The following VWA3B variants were observed in gnomAD, a reference collection of about 807,000 sequenced individuals.
The protein encoded by VWA3B is von Willebrand factor A domain containing 3B.
In VWA3B, 138 loss-of-function variants were observed where a neutral mutation model predicts 158.3. The observed-to-expected ratio is 0.87, with a 90% CI of 0.76 to 1.00. The LOEUF (loss-of-function observed/expected upper bound fraction) is 1.00. Ranked by LOEUF, VWA3B falls within the 50% of genes least tolerant of loss-of-function variation. The pLI is 0.00. For missense variants in VWA3B, 1,555 were observed against 1,565.1 expected (o/e 0.99, Z 0.11); for synonymous variants, 596 against 587.3 (o/e 1.01, Z -0.21).
intron 21 of VWA3B, among the ~76,000 whole-genome samples, chr2:98,266,980 T>A (rs1574237512): frequency 6.6e-6 from 1 of 151,314 alleles, no homozygotes; most frequent in African/African-American, 2.4e-5. Flanking sequence ...TATACAATCA[T>A]GTCGTCTGCA....
chr2:98,116,606 G>A (rs1458056232), intron 3 of VWA3B, among the ~76,000 whole-genome samples: 1 of 152,034 alleles, frequency 6.6e-6, no homozygotes, highest in Non-Finnish European at 1.5e-5. Context: ...TCCCGGGTCC[G>A]AGCGATCCTC....
rs886660544 is a variant in VWA3B at position 98,312,406 on chromosome 2, C to T, written c.*57C>T. On this transcript the variant is annotated 3_prime_UTR_variant, in exon 28 of 28. Coordinates refer to ENST00000477737, the MANE Select transcript of VWA3B (RefSeq NM_144992.5). ...CAGCGTCCTTCCAGGCTGTTCAGAC[C>T]TCAGCGTTGACACTGAAACTGGCCC... 3 of 1,546,596 alleles carry T rather than the reference C, an allele frequency of 1.9e-6. No individual in the cohort carries two copies. The highest frequency in any genetic ancestry group is 2.6e-6 in the Non-Finnish European group (3 of 1,147,236).
intron 2 of VWA3B, among the ~76,000 whole-genome samples, chr2:98,100,346 G>C (rs534667742): frequency 1.3e-4 from 20 of 152,228 alleles, no homozygotes; most frequent in Non-Finnish European, 2.8e-4. Flanking sequence ...GACTGGCACA[G>C]TGCTGGGTTA....
intron 7 of VWA3B, among the ~76,000 whole-genome samples, chr2:98,152,274 T>C (rs528967530): frequency 1.4e-4 from 21 of 152,328 alleles, no homozygotes; most frequent in African/African-American, 4.3e-4. Flanking sequence ...GTGTAAATGG[T>C]GCAATAATAT....
At chr2:98,306,815 A>G (rs1387117129) in intron 26 of VWA3B, among the ~76,000 whole-genome samples, 1 of 152,186 alleles carries the variant, frequency 6.6e-6, no homozygotes, top group African/African-American at 2.4e-5. Context: ...TGGGCTTCAC[A>G]TGGTGGAAGT....
At chr2:98,250,634 G>A (rs1447065881) in intron 20 of VWA3B, among the ~76,000 whole-genome samples, 198 bp downstream of exon 20, 2 of 151,832 alleles carry the variant, frequency 1.3e-5, no homozygotes, top group African/African-American at 4.8e-5. Context: ...TTGAGGCCAG[G>A]AGTTTAAGAC....
chr2:98,223,772 C>T (rs1287021043), intron 14 of VWA3B, among the ~76,000 whole-genome samples: 1 of 151,974 alleles, frequency 6.6e-6, no homozygotes, highest in East Asian at 1.9e-4. Flanking sequence ...ACTCCATCAC[C>T]CAGGCTGGAG....
intron 2 of VWA3B, among the ~76,000 whole-genome samples, chr2:98,107,571 A>C (rs1673771123): frequency 6.6e-6 from 1 of 152,120 alleles, no homozygotes; most frequent in African/African-American, 2.4e-5. Flanking sequence ...CAGATATAGG[A>C]CTAGTCAAAT....
intron 22 of VWA3B, 121 bp downstream of exon 22, chr2:98,271,004 A>G (rs1332211628): frequency 1.4e-5 from 14 of 987,262 alleles, no homozygotes; most frequent in Non-Finnish European, 1.8e-5. Flanking sequence ...TAAAAGTGTT[A>G]GAGCCAATCC....
At chr2:98,226,687 G>T (rs1382095434) in intron 14 of VWA3B, among the ~76,000 whole-genome samples, 1 of 150,746 alleles carries the variant, frequency 6.6e-6, no homozygotes, top group African/African-American at 2.4e-5. Context: ...AAAGGTCTTA[G>T]TATCTAGAAT....
chr2:98,274,670 T>C (rs927412161), intron 22 of VWA3B, among the ~76,000 whole-genome samples: 2 of 152,160 alleles, frequency 1.3e-5, no homozygotes, highest in Admixed American at 6.5e-5. Context: ...CTTATGCCTG[T>C]AGGAAATGGA....
rs1429907188 is a variant in VWA3B at position 98,149,354 on chromosome 2, C to T, written c.989-13497C>T. Among the ~76,000 whole-genome samples, 5 of 152,176 alleles carry T rather than the reference C, an allele frequency of 3.3e-5. No individual in the cohort carries two copies. The East Asian group carries it at 5.8e-4, about 18-fold the overall frequency. On this transcript the variant is annotated intron_variant, in intron 7 of 27. Transcript: ENST00000477737. Reference sequence around the variant, plus strand: ...AACAAAAGCAGGGATTTATTGAAAACGAAAGTACCCTCCACAGGATGTGAG... The same window carrying T: ...AACAAAAGCAGGGATTTATTGAAAATGAAAGTACCCTCCACAGGATGTGAG...
At chr2:98,132,867 C>A (rs1289644138) in intron 6 of VWA3B, among the ~76,000 whole-genome samples, 1 of 152,244 alleles carries the variant, frequency 6.6e-6, no homozygotes, top group Non-Finnish European at 1.5e-5. Flanking sequence ...GCCTGAAACC[C>A]TTTGGGAAGA....
intron 22 of VWA3B, 117 bp from the exon 23 acceptor site, chr2:98,290,394 A>T: frequency 1.3e-6 from 1 of 756,506 alleles, no homozygotes; most frequent in Non-Finnish European, 2.1e-6. Context: ...GTAATTCAAC[A>T]TGAGATTTGG....
chr2:98,295,360 A>T (rs140060749), intron 23 of VWA3B, among the ~76,000 whole-genome samples: 1 of 152,208 alleles, frequency 6.6e-6, no homozygotes, highest in Non-Finnish European at 1.5e-5. Flanking sequence ...GTTCAGAACC[A>T]CTCATGCATC....
At chr2:98,107,754 C>T (rs1673790197) in intron 2 of VWA3B, among the ~76,000 whole-genome samples, 1 of 151,984 alleles carries the variant, frequency 6.6e-6, no homozygotes, top group Non-Finnish European at 1.5e-5. Flanking sequence ...TACCTTCTCT[C>T]TTTTTATCTT....
At chr2:98,308,997 C>T (rs1028684492) in intron 26 of VWA3B, among the ~76,000 whole-genome samples, 2 of 151,764 alleles carry the variant, frequency 1.3e-5, no homozygotes, top group African/African-American at 4.8e-5. Context: ...TATGGTGAAA[C>T]CTCGCCTCTA....
At chr2:98,229,526 G>C (rs754861391) in intron 15 of VWA3B, among the ~76,000 whole-genome samples, 2 of 152,206 alleles carry the variant, frequency 1.3e-5, no homozygotes, top group Non-Finnish European at 2.9e-5. Context: ...TTCTGGGATC[G>C]CTCCATTCTC....
At chr2:98,194,590 C>T (rs1389674843) in intron 12 of VWA3B, 98 bp downstream of exon 12, 8 of 1,455,426 alleles carry the variant, frequency 5.5e-6, no homozygotes, top group Non-Finnish European at 7.5e-6. Flanking sequence ...GTGTTTTGCA[C>T]TCTCAGGATG....
Sources: gnomAD v4.1 joint callset for allele counts (sites outside exome capture counted in the v4.1 genomes callset) on GRCh38, gnomAD v4.1.1 for gene constraint, MANE v1.5 for transcripts, NCBI Gene and HGNC (gene_info 2026-07-23, HGNC 2026-07-21) for gene names.